The following SVEP1 variants were observed in gnomAD, a reference collection of about 807,000 sequenced individuals.
The protein encoded by SVEP1 is sushi, von Willebrand factor type A, EGF and pentraxin domain containing 1.
A neutral mutation model predicts 367.3 loss-of-function variants in SVEP1; 164 were observed. That is an observed-to-expected ratio of 0.45 (90% CI 0.39 to 0.51). The LOEUF (loss-of-function observed/expected upper bound fraction) is 0.51. Ranked by LOEUF, SVEP1 falls within the 20% of genes least tolerant of loss-of-function variation. The pLI, the probability that SVEP1 is intolerant of heterozygous loss-of-function variation, is 0.00. For missense variants in SVEP1, 4,117 were observed against 4,425.3 expected, an observed-to-expected ratio of 0.93 and a Z score of 1.98; for synonymous variants, 1,666 against 1,611.6, an observed-to-expected ratio of 1.03 and a Z score of -0.81.
chr9:110,452,202 T>C (rs1330478198), intron 22 of SVEP1, among the ~76,000 whole-genome samples: 1 of 152,236 alleles, frequency 6.6e-6, no homozygotes, highest in Non-Finnish European at 1.5e-5. Flanking sequence ...TACACTTTCA[T>C]ACAGACCATT....
rs181745294 is a variant in SVEP1, at chr9:110,457,794, A to C, written c.3577-442T>G. ...CCTATGTCCACTAGGCTCAGTTTGA[A>C]ATATGATTTATAGAGTCCTAACAAG... On this transcript the variant is annotated intron_variant, in intron 20 of 47. Coordinates refer to ENST00000374469, the MANE Select transcript of SVEP1 (RefSeq NM_153366.4). Among the ~76,000 whole-genome samples, 544 of 152,316 alleles carry C rather than the reference A, an allele frequency of 3.6e-3. 3 individuals carry two copies. Among genetic ancestry groups the C allele is most frequent in the African/African-American group, 0.012 (515 of 41,576 alleles).
Position 110,408,454 on chromosome 9 carries a change from G to A in SVEP1, c.7146C>T (p.Thr2382=), listed in dbSNP as rs535699411. 2 of 1,613,928 alleles carry A rather than the reference G, an allele frequency of 1.2e-6. No individual in the cohort carries two copies. The highest frequency in any genetic ancestry group is 1.7e-5 in the Admixed American group (1 of 60,008). The change falls in exon 38 of 48, where the codon ACC becomes ACT. Residue 2382 remains threonine (T), a synonymous_variant. Transcript: ENST00000374469. ...CACCAAAGGAAATTAGGGGAGGTGG[G>A]GTACAAAGAACAATCTTACAAACAG... ...SFPVCKIVLC[T]PPPLISFGVP... is the part of the protein sequence containing the mutation.
At chr9:110,535,794 GT>G (rs1260681375) in intron 3 of SVEP1, among the ~76,000 whole-genome samples, 5 of 150,526 alleles carry the variant, frequency 3.3e-5, no homozygotes, top group Admixed American at 6.6e-5. Context: ...TACATTCCTG[GT>G]TTTTTTGTAC....
At chr9:110,489,563 G>A (rs1041579953) in intron 9 of SVEP1, 87 bp downstream of exon 9, 1 of 1,334,670 alleles carries the variant, frequency 7.5e-7, no homozygotes, top group African/African-American at 1.5e-5. Flanking sequence ...ACCTCCCACT[G>A]GGTCCTTCCC....
intron 1 of SVEP1, among the ~76,000 whole-genome samples, chr9:110,567,599 C>A (rs527512606): frequency 6.6e-6 from 1 of 152,292 alleles, no homozygotes; most frequent in African/African-American, 2.4e-5. Flanking sequence ...TTCTCAGATC[C>A]CACTTCCAGT....
In SVEP1 at chr9:110,408,113, A is replaced by G. The variant is rs758475396; in HGVS notation, c.7487T>C (p.Ile2496Thr). 16 of 1,613,660 alleles carry G rather than the reference A, an allele frequency of 9.9e-6. No individual in the cohort carries two copies. The highest frequency in any genetic ancestry group is 1.7e-5 in the Admixed American group (1 of 59,942). ...AATCTCCTTGGGTTTCAGGCACTCA[A>G]TGGCTTTACATGTTGGTTTTCCTCC... Reference protein sequence around the residue: ...WLGGKPTCKAIECLKPKEILN... With the variant: ...WLGGKPTCKATECLKPKEILN... The change falls in exon 38 of 48, where the codon ATT becomes ACT. Residue 2496 changes from isoleucine (I) to threonine (T), a missense_variant. Physicochemically the swap from Ile to Thr is moderately conservative, Grantham distance 89. This residue lies in a region of SVEP1 where 1,765 missense variants were observed against 1,781.1 expected (regional missense o/e 0.99). Coordinates refer to ENST00000374469, the MANE Select transcript of SVEP1 (RefSeq NM_153366.4).
chr9:110,506,960 G>A (rs1403055787), intron 5 of SVEP1, among the ~76,000 whole-genome samples: 1 of 152,026 alleles, frequency 6.6e-6, no homozygotes, highest in Non-Finnish European at 1.5e-5. Flanking sequence ...AGGAAGATGG[G>A]GAAGCTGTCA....
intron 5 of SVEP1, among the ~76,000 whole-genome samples, chr9:110,506,051 G>A (rs929325469): frequency 6.6e-6 from 1 of 152,062 alleles, no homozygotes; most frequent in Non-Finnish European, 1.5e-5. Flanking sequence ...TCCCTCTTAT[G>A]AGTGAGAACA....
rs547161227 is a variant in SVEP1, at chr9:110,563,009, T to G, written c.532-12905A>C. 7.0e-4 allele frequency among the ~76,000 whole-genome samples: 106 copies of G among 152,252 alleles called. No individual in the cohort carries two copies. The Middle Eastern group carries it at 0.01, about 15-fold the overall frequency. ...AGCTGTTGTAACAAGGCAAGAAATA[T>G]AAATAAGTGTAAAAGAACTTAATCA... On this transcript the variant is annotated intron_variant, in intron 1 of 47. Coordinates refer to ENST00000374469, the MANE Select transcript of SVEP1 (RefSeq NM_153366.4).
chr9:110,565,152 T>C (rs1344886389), intron 1 of SVEP1, among the ~76,000 whole-genome samples: 3 of 152,214 alleles, frequency 2.0e-5, no homozygotes, highest in African/African-American at 7.2e-5. Context: ...GTTTTTGTTT[T>C]CTTTTGTGAA....
At chr9:110,564,055 G>A (rs532911539) in intron 1 of SVEP1, among the ~76,000 whole-genome samples, 1 of 152,174 alleles carries the variant, frequency 6.6e-6, no homozygotes, top group African/African-American at 2.4e-5. Context: ...ACTGAAGAGT[G>A]GGGGCATGGT....
At chr9:110,477,545 C>G (rs1481883586) in intron 13 of SVEP1, among the ~76,000 whole-genome samples, 2 of 152,106 alleles carry the variant, frequency 1.3e-5, no homozygotes, top group African/African-American at 2.4e-5. Flanking sequence ...TCTTCTGAAG[C>G]CTCCAACAAC....
intron 3 of SVEP1, among the ~76,000 whole-genome samples, chr9:110,520,606 C>A (rs1261946386): frequency 2.0e-5 from 3 of 152,114 alleles, no homozygotes; most frequent in African/African-American, 7.2e-5. Context: ...AAAACACCAA[C>A]CAGTTTGGAA....
At chr9:110,542,971 A>ATAT (rs1211809946) in intron 3 of SVEP1, among the ~76,000 whole-genome samples, 3 of 147,576 alleles carry the variant, frequency 2.0e-5, no homozygotes, top group African/African-American at 7.4e-5. Context: ...TAATTAAAAA[A>ATAT]AAATATATAT....
At chr9:110,505,987 G>C (rs1356332094) in intron 5 of SVEP1, among the ~76,000 whole-genome samples, 1 of 151,992 alleles carries the variant, frequency 6.6e-6, no homozygotes, top group Non-Finnish European at 1.5e-5. Flanking sequence ...CCCTCTGACA[G>C]GCTCCAGTGT....
At position 110,562,232 on chromosome 9, in the gene SVEP1, C is replaced by CAA. The variant is rs534309080; in HGVS notation, c.532-12130_532-12129dup. Among the ~76,000 whole-genome samples the CAA allele has an allele frequency of 2.6e-4, 37 of 144,612 alleles. No individual in the cohort carries two copies. The East Asian group carries it at 3.0e-3, about 12-fold the overall frequency. 94.9% of individuals were successfully genotyped at this position (144,612 alleles called of 152,430 possible). A position where few individuals can be genotyped will look rare whatever the true frequency, so the allele number is the denominator to read the frequency against. The stretch of plus-strand genomic sequence containing the variant: ...TAGGGAATAAAGAAAATATGAATAG[C>CAA]AAAAACAAAAAAAAAGTCATCAGAA... On this transcript the variant is annotated intron_variant, in intron 1 of 47. Coordinates refer to ENST00000374469, the MANE Select transcript of SVEP1 (RefSeq NM_153366.4).
rs1397572091 is a variant in SVEP1 at position 110,365,478 on chromosome 9, G to A, written c.*1061C>T. ...CTGTGTGGGAGCAGTTTTCCCAGAG[G>A]ATGGAGGCAAGTTGATTCTGAGTTT... On this transcript the variant is annotated 3_prime_UTR_variant, in exon 48 of 48. Transcript: ENST00000374469. 3.3e-5 allele frequency: 5 copies of A among 152,354 alleles called. No individual in the cohort carries two copies. Among genetic ancestry groups the A allele is most frequent in the East Asian group, 3.9e-4 (2 of 5,178 alleles). The allele number at this position is 152,354 out of a possible 1,614,324, so 9.4% of individuals were successfully genotyped here. A position where few individuals can be genotyped will look rare whatever the true frequency, so the allele number is the denominator to read the frequency against.
In SVEP1 at chr9:110,458,978, C is replaced by G. The variant is rs367967089; in HGVS notation, c.3458G>C (p.Gly1153Ala). 6.2e-7 allele frequency: 1 copy of G among 1,613,334 alleles called. No individual in the cohort carries two copies. The highest frequency in any genetic ancestry group is 8.5e-7 in the Non-Finnish European group (1 of 1,179,574). Residue 1153 changes from glycine (G) to alanine (A), a missense_variant, in exon 19 of 48, where the codon GGT (glycine) becomes GCT (alanine). This residue lies in a region of SVEP1 where 2,174 missense variants were observed against 2,494.3 expected (regional missense o/e 0.87). Transcript: ENST00000374469. ...CPFYGTTPFA[G>A]SRSITECSSF... ...TGAACATTCTGTGATGGATCTGGAA[C>G]CAGCGAATGGGGTAGTTCCATAAAA... is the stretch of plus-strand genomic sequence containing the variant.
Position 110,549,951 on chromosome 9 carries a change from G to A in SVEP1, c.685C>T (p.Arg229Ter). Reference protein sequence around the residue: ...FTFGIWQGNIRELNDMASTPK... With the variant: ...FTFGIWQGNI ...GTGGAAGCCATGTCATTCAGCTCTC[G>A]AATGTTCCCTTGCCATATGCCAAAA... The change falls in exon 2 of 48, where the codon CGA becomes TGA. Residue 229 changes from arginine to a stop codon, truncating the protein, a stop_gained. Transcript: ENST00000374469. LOFTEE classifies it high-confidence loss of function. 6 of 1,613,936 alleles carry A rather than the reference G, an allele frequency of 3.7e-6. No individual in the cohort carries two copies. The highest frequency in any genetic ancestry group is 5.1e-6 in the Non-Finnish European group (6 of 1,179,874).
Sources: gnomAD v4.1 joint callset for allele counts (sites outside exome capture counted in the v4.1 genomes callset) on GRCh38, gnomAD v4.1.1 for gene constraint, gnomAD v4.1.1 regional missense constraint, MANE v1.5 for transcripts, NCBI Gene and HGNC (gene_info 2026-07-23, HGNC 2026-07-21) for gene names.